The following PLPP4 variants were observed in gnomAD, a reference collection of about 807,000 sequenced individuals.
The protein encoded by PLPP4 is diacylglycerol pyrophosphate like 2.
A neutral mutation model predicts 32.2 loss-of-function variants in PLPP4; 20 were observed. The observed-to-expected ratio is 0.62, with a 90% CI of 0.44 to 0.90. The LOEUF (loss-of-function observed/expected upper bound fraction) is 0.90, where lower values mean the gene tolerates loss of function less well. PLPP4 is among the 40% of genes least tolerant of loss of function. The pLI is 0.00. For missense variants in PLPP4, 257 were observed against 353.1 expected (o/e 0.73, Z 2.18); for synonymous variants, 127 against 133.0 (o/e 0.95, Z 0.31).
chr10:120,469,517 G>T (rs146325633), intron 1 of PLPP4, among the ~76,000 whole-genome samples: 1 of 152,064 alleles, frequency 6.6e-6, no homozygotes, highest in Non-Finnish European at 1.5e-5. Flanking sequence ...ATGACACACC[G>T]TGCCCGGCCG....
chr10:120,488,938 G>C (rs1844583179), intron 1 of PLPP4, among the ~76,000 whole-genome samples: 1 of 152,240 alleles, frequency 6.6e-6, no homozygotes, highest in Non-Finnish European at 1.5e-5. Context: ...GGAGATAACA[G>C]TGCCTACTTT....
intron 5 of PLPP4, among the ~76,000 whole-genome samples, chr10:120,541,621 T>C (rs1347408364): frequency 6.6e-6 from 1 of 152,226 alleles, no homozygotes; most frequent in African/African-American, 2.4e-5. Context: ...GTGGTTCTCA[T>C]GTCTCCACTT....
chr10:120,537,699 C>A (rs1426981979), intron 5 of PLPP4, among the ~76,000 whole-genome samples: 1 of 152,100 alleles, frequency 6.6e-6, no homozygotes, highest in Non-Finnish European at 1.5e-5. Flanking sequence ...ACCCCTCCCC[C>A]AAAGGTAACT....
At chr10:120,459,228 A>G (rs1398222790) in intron 1 of PLPP4, among the ~76,000 whole-genome samples, 1 of 152,216 alleles carries the variant, frequency 6.6e-6, no homozygotes, top group Non-Finnish European at 1.5e-5. Flanking sequence ...GTGTTACTTA[A>G]TAGGGGATCT....
At position 120,520,994 on chromosome 10, in the gene PLPP4, G is replaced by A. The variant is rs1194419834; in HGVS notation, c.344G>A (p.Arg115His). 7 of 1,613,880 alleles carry A rather than the reference G, an allele frequency of 4.3e-6. No homozygotes were observed. The highest frequency in any genetic ancestry group is 1.1e-5 in the South Asian group (1 of 91,052). ...AGACCTCGCCCCGATTTCTTTTACC[G>A]CTGCTTTCCAGATGGAGTGATGAAC... is the stretch of plus-strand genomic sequence containing the variant. ...VGRPRPDFFY[R>H]CFPDGVMNSE... is the part of the protein sequence containing the mutation. Residue 115 changes from arginine to histidine, a missense_variant, in exon 5 of 7, where the codon CGC becomes CAC. Transcript: ENST00000398250.
At chr10:120,551,944 C>T (rs1164742983) in intron 5 of PLPP4, among the ~76,000 whole-genome samples, 1 of 152,062 alleles carries the variant, frequency 6.6e-6, no homozygotes, top group Non-Finnish European at 1.5e-5. Context: ...TTGTTGCTTT[C>T]CTAACTTTTT....
chr10:120,546,321 C>T (rs1372107415), intron 5 of PLPP4, among the ~76,000 whole-genome samples: 1 of 152,122 alleles, frequency 6.6e-6, no homozygotes, highest in Admixed American at 6.5e-5. Context: ...TTCTATACCT[C>T]CCCTGTCCCC....
chr10:120,575,987 A>G (rs962961200), intron 6 of PLPP4, among the ~76,000 whole-genome samples: 5 of 152,184 alleles, frequency 3.3e-5, no homozygotes, highest in Non-Finnish European at 4.4e-5. Context: ...GGTGATGTCC[A>G]TGGGAGGTGT....
chr10:120,560,744 G>C (rs1848395828), intron 5 of PLPP4, among the ~76,000 whole-genome samples: 1 of 152,116 alleles, frequency 6.6e-6, no homozygotes, highest in African/African-American at 2.4e-5. Context: ...GGCGGAGTGA[G>C]ACTCTGTCTC....
At position 120,575,328 on chromosome 10, in the gene PLPP4, G is replaced by A. The variant is rs895014966; in HGVS notation, c.616+27G>A. 2.5e-6 allele frequency: 4 copies of A among 1,603,338 alleles called. No homozygotes were observed. In the African/African-American group the frequency reaches 5.3e-5, roughly 21 times the overall value. On this transcript the variant is annotated intron_variant, in intron 6 of 6. Coordinates refer to ENST00000398250, the MANE Select transcript of PLPP4 (RefSeq NM_001030059.3). The stretch of plus-strand genomic sequence containing the variant: ...TGAGTCCCTGCCCAGGGCCTGACTA[G>A]TCCTCACTGTGGTTGCCCCTCTCCT...
At chr10:120,545,021 C>T (rs570542510) in intron 5 of PLPP4, among the ~76,000 whole-genome samples, 7 of 152,336 alleles carry the variant, frequency 4.6e-5, no homozygotes, top group South Asian at 2.1e-4. Flanking sequence ...TGGTTGATGG[C>T]GTCACTTCTG....
intron 5 of PLPP4, among the ~76,000 whole-genome samples, chr10:120,539,865 G>C (rs1373172885): frequency 6.6e-6 from 1 of 151,896 alleles, no homozygotes; most frequent in Non-Finnish European, 1.5e-5. Flanking sequence ...TATTAGGTTG[G>C]TGCAAAAGTA....
At chr10:120,482,872 A>G (rs1056918903) in intron 1 of PLPP4, among the ~76,000 whole-genome samples, 3 of 152,132 alleles carry the variant, frequency 2.0e-5, no homozygotes, top group African/African-American at 7.2e-5. Flanking sequence ...AGATCGCACC[A>G]CTGCACTCCA....
rs1175882203 is a variant in PLPP4, at chr10:120,590,804, G to A, written c.*1302G>A. On this transcript the variant is annotated 3_prime_UTR_variant, in exon 7 of 7. Transcript: ENST00000398250. ...TTTTTTTGAGATGGAGTCTCGCTGT[G>A]TCGAGACTGCACTGGAGTGCAGTGG... 7.1e-6 allele frequency among the ~76,000 whole-genome samples: 1 copy of A among 141,364 alleles called. No homozygotes were observed. The highest frequency in any genetic ancestry group is 1.5e-5 in the Non-Finnish European group (1 of 66,630). The allele number at this position is 141,364 out of a possible 152,430, so 92.7% of individuals were successfully genotyped here.
chr10:120,546,997 T>C (rs921700324), intron 5 of PLPP4, among the ~76,000 whole-genome samples: 1 of 152,176 alleles, frequency 6.6e-6, no homozygotes, highest in Non-Finnish European at 1.5e-5. Context: ...TGTTCACAGG[T>C]GTAGGTCTAA....
chr10:120,543,364 T>C (rs1847449187), intron 5 of PLPP4, among the ~76,000 whole-genome samples: 1 of 152,176 alleles, frequency 6.6e-6, no homozygotes, highest in Non-Finnish European at 1.5e-5. Flanking sequence ...CCTGCTGTTA[T>C]GGTTGGCCTG....
At chr10:120,475,144 A>G (rs1389643040) in intron 1 of PLPP4, among the ~76,000 whole-genome samples, 1 of 152,162 alleles carries the variant, frequency 6.6e-6, no homozygotes, top group African/African-American at 2.4e-5. Flanking sequence ...TGGGGCTTTG[A>G]CATTCACCAG....
chr10:120,579,845 T>C (rs12265681), intron 6 of PLPP4, among the ~76,000 whole-genome samples: 47,331 of 150,978 alleles, frequency 0.31, 7,777 homozygotes, highest in African/African-American at 0.43. Flanking sequence ...CGGTGGCTCA[T>C]GCCTGTAATC....
intron 1 of PLPP4, among the ~76,000 whole-genome samples, chr10:120,497,863 A>ACC (rs1226910276): frequency 1.3e-5 from 2 of 151,920 alleles, no homozygotes; most frequent in Admixed American, 6.6e-5. Context: ...ACATGGTGAA[A>ACC]CCCCGTCTCT....
Sources: allele counts gnomAD v4.1 joint callset (sites outside exome capture counted in the v4.1 genomes callset), GRCh38; gene constraint gnomAD v4.1.1; transcripts MANE v1.5; gene names NCBI Gene and HGNC (gene_info 2026-07-23, HGNC 2026-07-21).